Variants in TBC1D19 observed in about 807,000 individuals in gnomAD.
The protein encoded by TBC1D19 is TBC1 domain family, member 19.
In TBC1D19, 60 loss-of-function variants were observed where a neutral mutation model predicts 89.0. The ratio of observed to expected loss-of-function variants is 0.67; its 90% CI spans 0.55 to 0.84. The LOEUF (loss-of-function observed/expected upper bound fraction) is 0.84, where lower values mean the gene tolerates loss of function less well. Among genes scored for constraint, TBC1D19 ranks in the 40% least tolerant of loss-of-function variants. TBC1D19 has a pLI of 0.00. For missense variants in TBC1D19, 500 were observed against 610.8 expected (o/e 0.82, Z 1.91); for synonymous variants, 189 against 199.7 (o/e 0.95, Z 0.45).
chr4:26,854,982 C>A, the TBC1D19 span, among the ~76,000 whole-genome samples: 1 of 152,194 alleles, frequency 6.6e-6, no homozygotes, highest in South Asian at 2.1e-4. Context: ...GCCAAAAGTT[C>A]CATTTTTCTC....
At chr4:26,640,901 C>T (rs1362828484) in intron 7 of TBC1D19, among the ~76,000 whole-genome samples, 2 of 152,162 alleles carry the variant, frequency 1.3e-5, no homozygotes, top group African/African-American at 2.4e-5. Context: ...GCGGGAAGCT[C>T]GAACTGGGTG....
At chr4:26,673,701 A>T (rs1195263687) in intron 10 of TBC1D19, 75 bp from the exon 11 acceptor site, 1 of 937,084 alleles carries the variant, frequency 1.1e-6, no homozygotes, top group Non-Finnish European at 1.7e-6. Flanking sequence ...TTCCCAAAAG[A>T]TTTATAATTG....
chr4:26,852,712 C>T, the TBC1D19 span, among the ~76,000 whole-genome samples: 28 of 152,234 alleles, frequency 1.8e-4, no homozygotes, highest in South Asian at 6.2e-4. Flanking sequence ...CTCTGCCTCC[C>T]GGGTTCACAC....
intron 8 of TBC1D19, among the ~76,000 whole-genome samples, chr4:26,661,428 A>G (rs1011820468): frequency 6.6e-6 from 1 of 152,116 alleles, no homozygotes; most frequent in Admixed American, 6.6e-5. Context: ...CTGGCTATAA[A>G]ATTGCCTCAC....
At chr4:26,728,878 G>C (rs546888534) in intron 15 of TBC1D19, among the ~76,000 whole-genome samples, 256 of 152,306 alleles carry the variant, frequency 1.7e-3, no homozygotes, top group African/African-American at 6.0e-3. Context: ...AGCCGGGCGT[G>C]ATGGCGGGCG....
chr4:26,661,038 A>G (rs528889099), intron 8 of TBC1D19, among the ~76,000 whole-genome samples: 10 of 152,228 alleles, frequency 6.6e-5, no homozygotes, highest in African/African-American at 2.4e-4. Flanking sequence ...GTCAGAGGAA[A>G]CCATAGTGAG....
At chr4:26,846,308 T>C in the TBC1D19 span, among the ~76,000 whole-genome samples, 5 of 152,238 alleles carry the variant, frequency 3.3e-5, no homozygotes, top group Non-Finnish European at 5.9e-5. Context: ...GCCATAATTA[T>C]ATTTTTAAAC....
the TBC1D19 span, among the ~76,000 whole-genome samples, chr4:26,856,868 CCT>C: frequency 6.6e-6 from 1 of 152,204 alleles, no homozygotes; most frequent in Admixed American, 6.5e-5. Flanking sequence ...CCCCACACGC[CCT>C]CTGATTGCAC....
In TBC1D19 at chr4:26,753,804, G is replaced by C; in HGVS notation, c.1436-16G>C. On this transcript the variant is annotated splice_polypyrimidine_tract_variant and intron_variant, in intron 19 of 20. Coordinates refer to ENST00000264866, the MANE Select transcript of TBC1D19 (RefSeq NM_018317.4). ...TGAGTAGGCCAGCAGTTGAAGTAGT[G>C]TGCATTCTTTTCCAGTGCTGGCAGC... 6.2e-7 allele frequency: 1 copy of C among 1,613,698 alleles called. No homozygotes were observed. Among genetic ancestry groups the C allele is most frequent in the Non-Finnish European group, 8.5e-7 (1 of 1,179,702 alleles).
At chr4:26,672,864 C>T (rs974891269) in intron 10 of TBC1D19, among the ~76,000 whole-genome samples, 2 of 151,852 alleles carry the variant, frequency 1.3e-5, no homozygotes, top group Non-Finnish European at 2.9e-5. Context: ...AGAGCAATTT[C>T]AAATTAAAGA....
Position 26,614,493 on chromosome 4 carries a change from G to T in TBC1D19, c.218+40G>T, listed in dbSNP as rs372232629. ...CTATTTTACAATAGTATTTTGTTTA[G>T]CTATATTTACTTTGTGAGTAATAAA... On this transcript the variant is annotated intron_variant, in intron 3 of 20. Transcript: ENST00000264866. 21 of 1,462,108 alleles carry T rather than the reference G, an allele frequency of 1.4e-5. No individual in the cohort carries two copies. In the African/African-American group the frequency reaches 2.7e-4, roughly 18 times the overall value. The allele number at this position is 1,462,108 out of a possible 1,614,324, so 90.6% of individuals were successfully genotyped here. A position where few individuals can be genotyped will look rare whatever the true frequency, so the allele number is the denominator to read the frequency against.
At chr4:26,612,850 T>G (rs545696685) in intron 1 of TBC1D19, among the ~76,000 whole-genome samples, 286 of 152,192 alleles carry the variant, frequency 1.9e-3, no homozygotes, top group African/African-American at 6.5e-3. Context: ...AGGCAATGAA[T>G]TTATAAAATC....
At chr4:26,676,751 T>C (rs1309968515) in intron 11 of TBC1D19, among the ~76,000 whole-genome samples, 1 of 151,928 alleles carries the variant, frequency 6.6e-6, no homozygotes, top group Non-Finnish European at 1.5e-5. Flanking sequence ...CTACCTCTTA[T>C]ACCTGTTGTC....
chr4:26,646,666 G>T (rs1036733009), intron 7 of TBC1D19, among the ~76,000 whole-genome samples: 1 of 152,298 alleles, frequency 6.6e-6, no homozygotes, highest in African/African-American at 2.4e-5. Flanking sequence ...GATGAAGTGG[G>T]AAACCATCAT....
At chr4:26,854,426 G>A in the TBC1D19 span, among the ~76,000 whole-genome samples, 3 of 152,126 alleles carry the variant, frequency 2.0e-5, no homozygotes, top group Admixed American at 6.5e-5. Context: ...ACAATGCCTT[G>A]GCTCTCCTAT....
chr4:26,761,934 C>G, the TBC1D19 span, among the ~76,000 whole-genome samples: 1 of 152,080 alleles, frequency 6.6e-6, no homozygotes. Context: ...TGAGACCAGT[C>G]TGGCCAACAT....
At chr4:26,647,271 GAAGGTGAT>G (rs1744040722) in intron 7 of TBC1D19, among the ~76,000 whole-genome samples, 2 of 152,216 alleles carry the variant, frequency 1.3e-5, no homozygotes, top group Non-Finnish European at 2.9e-5. Context: ...GGCTGTTAGT[GAAGGTGAT>G]AAGCTGAGTT....
the TBC1D19 span, among the ~76,000 whole-genome samples, chr4:26,820,637 G>T: frequency 6.6e-6 from 1 of 152,162 alleles, no homozygotes; most frequent in South Asian, 2.1e-4. Flanking sequence ...TGAAATGAAT[G>T]TGGTAGTGCA....
At chr4:26,625,134 G>C (rs1254830026) in intron 4 of TBC1D19, among the ~76,000 whole-genome samples, 1 of 151,782 alleles carries the variant, frequency 6.6e-6, no homozygotes, top group Admixed American at 6.6e-5. Flanking sequence ...CTTCAGAGTT[G>C]GGTTATAAAT....
Sources: allele counts gnomAD v4.1 joint callset (sites outside exome capture counted in the v4.1 genomes callset), GRCh38; gene constraint gnomAD v4.1.1; transcripts MANE v1.5; gene names NCBI Gene and HGNC (gene_info 2026-07-23, HGNC 2026-07-21).